Variants in COL19A1 observed in about 807,000 individuals in gnomAD.
COL19A1 encodes collagen type XIX alpha 1 chain.
COL19A1 carries 159 observed loss-of-function variants against 190.2 expected under a neutral mutation model. That is an observed-to-expected ratio of 0.84 (90% CI 0.73 to 0.95). The LOEUF is 0.95. COL19A1 is among the 40% of genes least tolerant of loss of function. The probability of loss-of-function intolerance (pLI) is 0.00; values close to 1 mark genes in which losing one functional copy is unlikely to be tolerated. For synonymous variants in COL19A1, 509 were observed against 458.9 expected, an observed-to-expected ratio of 1.11 and a Z score of -1.39; for missense variants, 1,418 against 1,431.9, an observed-to-expected ratio of 0.99 and a Z score of 0.16.
At chr6:70,184,462 A>G (rs963988823) in intron 44 of COL19A1, among the ~76,000 whole-genome samples, 3 of 152,152 alleles carry the variant, frequency 2.0e-5, no homozygotes, top group African/African-American at 2.4e-5. Flanking sequence ...TAGTGAAGAG[A>G]TTGATGCTAT....
Position 70,023,675 on chromosome 6 carries a change from G to C in COL19A1, c.1075G>C (p.Glu359Gln), listed in dbSNP as rs547323366. ...GDPALAGLNG[E>Q]NGLKGDLGPH... is the part of the protein sequence containing the mutation. ...TCCAGCTCTGGCTGGCCTTAATGGA[G>C]AAAATGTAAGCCTAACTCTTTTTTC... Residue 359 changes from glutamate to glutamine, a missense_variant, in exon 12 of 51, where the codon GAA becomes CAA. Transcript: ENST00000620364. 2 of 1,610,278 alleles carry C rather than the reference G, an allele frequency of 1.2e-6. No individual in the cohort carries two copies. The highest frequency in any genetic ancestry group is 2.2e-5 in the South Asian group (2 of 90,232).
chr6:69,867,276 G>A (rs986282023), intron 1 of COL19A1: 2 of 153,010 alleles, frequency 1.3e-5, no homozygotes, highest in South Asian at 2.0e-4. Context: ...GGGATTCCCG[G>A]ACTCCAGCCC....
intron 46 of COL19A1, among the ~76,000 whole-genome samples, 197 bp from the exon 47 acceptor site, chr6:70,187,878 G>T (rs919768090): frequency 6.6e-6 from 1 of 152,014 alleles, no homozygotes; most frequent in Admixed American, 6.6e-5. Context: ...AATTCATTTA[G>T]TTCTGAAAAT....
intron 9 of COL19A1, among the ~76,000 whole-genome samples, chr6:69,944,269 A>AT (rs1208777635): frequency 2.0e-5 from 3 of 152,152 alleles, no homozygotes; most frequent in Non-Finnish European, 4.4e-5. Flanking sequence ...CACCTGACAC[A>AT]TTGTCATCAC....
chr6:70,052,834 G>C (rs1251586613), intron 14 of COL19A1, among the ~76,000 whole-genome samples: 2 of 152,178 alleles, frequency 1.3e-5, no homozygotes, highest in African/African-American at 4.8e-5. Context: ...TTGGGGGTCA[G>C]ACATACTTGC....
Position 70,091,130 on chromosome 6 carries a change from A to C in COL19A1, c.1225-11039A>C, listed in dbSNP as rs77978388. On this transcript the variant is annotated intron_variant, in intron 15 of 50. Transcript: ENST00000620364. ...CCAAAATTCGTATCTTTATTTATTT[A>C]GTTCTTAGAGATGCAATAAGTATAG... Among the ~76,000 whole-genome samples, 928 of 152,156 alleles carry C rather than the reference A, an allele frequency of 6.1e-3. 10 individuals carry two copies. Among genetic ancestry groups the C allele is most frequent in the African/African-American group, 0.02 (848 of 41,516 alleles).
chr6:70,070,710 T>G (rs1781496142), intron 15 of COL19A1, among the ~76,000 whole-genome samples: 1 of 152,102 alleles, frequency 6.6e-6, no homozygotes. Flanking sequence ...TCTTCTCAGC[T>G]CAATAGTTAA....
At chr6:70,087,182 A>C (rs1782638437) in intron 15 of COL19A1, among the ~76,000 whole-genome samples, 1 of 152,182 alleles carries the variant, frequency 6.6e-6, no homozygotes, top group Non-Finnish European at 1.5e-5. Flanking sequence ...AAAATAGTCA[A>C]AAACCTCTGC....
At chr6:69,960,874 A>G (rs1009082505) in intron 10 of COL19A1, among the ~76,000 whole-genome samples, 1 of 151,064 alleles carries the variant, frequency 6.6e-6, no homozygotes, top group Non-Finnish European at 1.5e-5. Flanking sequence ...CTCGTGATCC[A>G]CCCGCCTCGG....
At chr6:69,892,019 C>T (rs758167287) in intron 2 of COL19A1, among the ~76,000 whole-genome samples, 1 of 152,172 alleles carries the variant, frequency 6.6e-6, no homozygotes, top group Non-Finnish European at 1.5e-5. Flanking sequence ...AACTGTGGAA[C>T]TGAGTCCTCC....
chr6:70,081,315 T>C (rs868475463), intron 15 of COL19A1, among the ~76,000 whole-genome samples: 2 of 152,296 alleles, frequency 1.3e-5, no homozygotes. Flanking sequence ...TTACCTATAA[T>C]GGGCTTTCTT....
chr6:70,026,633 T>TCTA (rs3840396), intron 12 of COL19A1, among the ~76,000 whole-genome samples: 15,160 of 152,188 alleles, frequency 0.1, 807 homozygotes, highest in East Asian at 0.2. Context: ...CTCTTTCCCC[T>TCTA]CTATCACTAG....
At chr6:70,066,043 A>G (rs1781172263) in intron 14 of COL19A1, among the ~76,000 whole-genome samples, 1 of 152,210 alleles carries the variant, frequency 6.6e-6, no homozygotes, top group African/African-American at 2.4e-5. Flanking sequence ...CAATGCAGCG[A>G]TTCCTCAGGG....
intron 11 of COL19A1, among the ~76,000 whole-genome samples, chr6:69,986,853 G>T (rs1398888799): frequency 6.6e-6 from 1 of 152,116 alleles, no homozygotes; most frequent in Non-Finnish European, 1.5e-5. Context: ...ATATTTGAGT[G>T]CAATTGCCCA....
At chr6:70,145,960 A>T (rs561470932) in intron 25 of COL19A1, among the ~76,000 whole-genome samples, 2 of 152,172 alleles carry the variant, frequency 1.3e-5, no homozygotes, top group East Asian at 3.9e-4. Flanking sequence ...AGCTCAAGTG[A>T]TCTACCCATC....
chr6:70,074,832 A>G (rs543065148), intron 15 of COL19A1, among the ~76,000 whole-genome samples: 1 of 152,340 alleles, frequency 6.6e-6, no homozygotes, highest in Non-Finnish European at 1.5e-5. Flanking sequence ...TGAGTGTTTC[A>G]TAATTCTGCT....
chr6:69,914,041 T>C (rs1771132060), intron 4 of COL19A1, among the ~76,000 whole-genome samples: 1 of 152,016 alleles, frequency 6.6e-6, no homozygotes, highest in Non-Finnish European at 1.5e-5. Context: ...GAGCAGACTG[T>C]CTAATTTATC....
chr6:70,180,242 G>T (rs565941950), intron 42 of COL19A1, 70 bp from the exon 43 acceptor site: 2 of 1,564,058 alleles, frequency 1.3e-6, no homozygotes. Context: ...ATTGGGGTTG[G>T]GGGAAGAGAA....
rs771352590 is a variant in COL19A1, at chr6:70,144,979, C to T, written c.1742C>T (p.Pro581Leu). The change falls in exon 25 of 51, where the codon CCT (proline) becomes CTT (leucine). Residue 581 changes from proline (P) to leucine (L), a missense_variant. Pro to Leu is a moderately conservative substitution (Grantham distance 98). Coordinates refer to ENST00000620364, the MANE Select transcript of COL19A1 (RefSeq NM_001858.6). ...GLPGPKGEAG[P>L]PGKSLPGEPG... ...CCAGGTCCAAAAGGTGAGGCTGGTCCTCCAGGGAAAAGCCTGCCAGGGGAA... is the reference window on the plus strand; with the variant it reads ...CCAGGTCCAAAAGGTGAGGCTGGTCTTCCAGGGAAAAGCCTGCCAGGGGAA... The T allele has an allele frequency of 1.3e-6, 2 of 1,593,608 alleles. No homozygotes were observed. The highest frequency in any genetic ancestry group is 4.5e-5 in the East Asian group (2 of 44,136).
Sources: gnomAD v4.1 joint callset for allele counts (sites outside exome capture counted in the v4.1 genomes callset) on GRCh38, gnomAD v4.1.1 for gene constraint, MANE v1.5 for transcripts, NCBI Gene and HGNC (gene_info 2026-07-23, HGNC 2026-07-21) for gene names.